FSTL5: variants seen among roughly 807,000 people sequenced by gnomAD.
FSTL5 encodes follistatin like 5.
Under a neutral mutation model 89.1 loss-of-function variants are expected in FSTL5, and 62 were observed. That is an observed-to-expected ratio of 0.70 (90% CI 0.57 to 0.86). The LOEUF (loss-of-function observed/expected upper bound fraction) is 0.86, where lower values mean the gene tolerates loss of function less well. FSTL5 is among the 40% of genes least tolerant of loss of function. FSTL5 has a pLI of 0.00. For synonymous variants in FSTL5, 383 were observed against 346.2 expected, an observed-to-expected ratio of 1.11 and a Z score of -1.18; for missense variants, 1,057 against 1,001.6, an observed-to-expected ratio of 1.06 and a Z score of -0.75.
chr4:161,805,021 A>C (rs1027756900), intron 4 of FSTL5, among the ~76,000 whole-genome samples: 7 of 152,080 alleles, frequency 4.6e-5, no homozygotes, highest in Non-Finnish European at 1.0e-4. Context: ...ACAGCATGGA[A>C]AAATAAAGTC....
chr4:161,648,298 T>G (rs969690652), intron 7 of FSTL5, among the ~76,000 whole-genome samples: 4 of 152,086 alleles, frequency 2.6e-5, no homozygotes, highest in African/African-American at 9.7e-5. Context: ...GGGATTCAGC[T>G]GTAAGCATTC....
intron 6 of FSTL5, among the ~76,000 whole-genome samples, chr4:161,738,443 T>C (rs1285692286): frequency 6.6e-6 from 1 of 152,038 alleles, no homozygotes; most frequent in African/African-American, 2.4e-5. Flanking sequence ...AGAATGGTTA[T>C]AGAGAAAGGG....
At chr4:161,475,027 C>CTTT (rs58684881) in intron 13 of FSTL5, among the ~76,000 whole-genome samples, 16 of 129,460 alleles carry the variant, frequency 1.2e-4, no homozygotes, top group African/African-American at 3.7e-4. Flanking sequence ...CCTTGATTGG[C>CTTT]TTTTTTTTTT....
intron 15 of FSTL5, among the ~76,000 whole-genome samples, chr4:161,424,740 T>C (rs1578963034): frequency 6.6e-6 from 1 of 152,200 alleles, no homozygotes; most frequent in East Asian, 1.9e-4. Flanking sequence ...GCTCCTGTAC[T>C]AGGTCCTAGC....
intron 1 of FSTL5, among the ~76,000 whole-genome samples, chr4:162,138,158 T>C (rs1379605564): frequency 1.1e-4 from 16 of 152,180 alleles, no homozygotes; most frequent in Admixed American, 1.0e-3. Context: ...CTTATATTTA[T>C]ATCTACAGAA....
intron 10 of FSTL5, among the ~76,000 whole-genome samples, chr4:161,521,773 C>T (rs542241034): frequency 3.7e-4 from 52 of 139,316 alleles, no homozygotes; most frequent in African/African-American, 1.4e-3. Context: ...GGCGTGAACC[C>T]GGAAGGCGGA....
chr4:161,648,299 G>T (rs897129108), intron 7 of FSTL5, among the ~76,000 whole-genome samples: 1 of 152,128 alleles, frequency 6.6e-6, no homozygotes, highest in Non-Finnish European at 1.5e-5. Context: ...GGATTCAGCT[G>T]TAAGCATTCA....
At chr4:161,627,459 C>A (rs1233895385) in intron 7 of FSTL5, among the ~76,000 whole-genome samples, 1 of 152,080 alleles carries the variant, frequency 6.6e-6, no homozygotes, top group Non-Finnish European at 1.5e-5. Flanking sequence ...CTTTTATATG[C>A]ACTGGGAAAC....
chr4:161,615,055 G>GAGGCCAAAGC, intron 7 of FSTL5, among the ~76,000 whole-genome samples: 1 of 152,112 alleles, frequency 6.6e-6, no homozygotes, highest in Middle Eastern at 3.4e-3. Context: ...AGCACTTTGG[G>GAGGCCAAAGC]AGGCCAAAGC....
chr4:161,739,882 GT>G (rs1191007356), intron 6 of FSTL5, among the ~76,000 whole-genome samples: 2 of 151,988 alleles, frequency 1.3e-5, no homozygotes, highest in Non-Finnish European at 2.9e-5. Context: ...ATAATATCTG[GT>G]TTCTTTTGTA....
chr4:162,082,565 A>G (rs1428903821), intron 2 of FSTL5, among the ~76,000 whole-genome samples: 1 of 150,040 alleles, frequency 6.7e-6, no homozygotes, highest in East Asian at 2.0e-4. Flanking sequence ...GATCATGAAG[A>G]TATTTAAGTG....
At chr4:162,024,413 CTG>C (rs1342629709) in intron 3 of FSTL5, among the ~76,000 whole-genome samples, 1 of 128,050 alleles carries the variant, frequency 7.8e-6, no homozygotes, top group African/African-American at 2.9e-5. Flanking sequence ...GCACCTAACA[CTG>C]TTTCTAATAT....
intron 7 of FSTL5, among the ~76,000 whole-genome samples, chr4:161,651,459 A>G (rs1163855236): frequency 1.3e-5 from 2 of 152,114 alleles, no homozygotes; most frequent in African/African-American, 2.4e-5. Flanking sequence ...CCTAATACTA[A>G]ATTACTATTT....
At chr4:161,916,481 T>A (rs1459879946) in intron 4 of FSTL5, among the ~76,000 whole-genome samples, 1 of 152,180 alleles carries the variant, frequency 6.6e-6, no homozygotes, top group African/African-American at 2.4e-5. Context: ...AAGGCAGAAC[T>A]GTCTCATCAC....
chr4:161,509,900 G>A (rs1313077221), intron 11 of FSTL5, among the ~76,000 whole-genome samples: 2 of 152,166 alleles, frequency 1.3e-5, no homozygotes, highest in African/African-American at 4.8e-5. Context: ...CAACCCTACT[G>A]AGTATTAACA....
At chr4:161,946,911 C>T (rs1734750894) in intron 3 of FSTL5, among the ~76,000 whole-genome samples, 1 of 152,064 alleles carries the variant, frequency 6.6e-6, no homozygotes, top group Non-Finnish European at 1.5e-5. Context: ...TGATTTTAGC[C>T]ACTGTAGTGG....
rs560690730 is a variant in FSTL5, at chr4:161,714,387, G to C, written c.727+45024C>G. ...AGTGATCTCCATTTTATTTAATTCTGCTTCTATTTTCTACTTAATATACAG... is the reference window on the plus strand; with the variant it reads ...AGTGATCTCCATTTTATTTAATTCTCCTTCTATTTTCTACTTAATATACAG... On this transcript the variant is annotated intron_variant, in intron 6 of 15. Transcript: ENST00000306100. Among the ~76,000 whole-genome samples, 3 of 151,976 alleles carry C rather than the reference G, an allele frequency of 2.0e-5. No homozygotes were observed. In the South Asian group the frequency reaches 6.2e-4, roughly 31 times the overall value.
chr4:161,681,353 T>C (rs918196846), intron 6 of FSTL5, among the ~76,000 whole-genome samples: 3 of 152,096 alleles, frequency 2.0e-5, no homozygotes, highest in African/African-American at 4.8e-5. Flanking sequence ...GTTAACAGCA[T>C]AACTAGCATT....
intron 3 of FSTL5, among the ~76,000 whole-genome samples, chr4:161,973,782 T>A (rs1735553052): frequency 6.6e-6 from 1 of 151,992 alleles, no homozygotes; most frequent in Admixed American, 6.6e-5. Context: ...TATTGAGCAA[T>A]CAAATAAAGG....
Sources: gnomAD v4.1 joint callset for allele counts (sites outside exome capture counted in the v4.1 genomes callset) on GRCh38, gnomAD v4.1.1 for gene constraint, MANE v1.5 for transcripts, NCBI Gene and HGNC (gene_info 2026-07-23, HGNC 2026-07-21) for gene names.